The following COMMD10 variants were observed in gnomAD, a reference collection of about 807,000 sequenced individuals.
COMMD10 encodes COMM domain-containing protein 10.
In COMMD10, 33 loss-of-function variants were observed where a neutral mutation model predicts 28.9. That is an observed-to-expected ratio of 1.14 (90% CI 0.87 to 1.53). COMMD10 has a LOEUF of 1.53. Ranked by LOEUF, COMMD10 falls within the 40% of genes most tolerant of loss-of-function variation. The probability of loss-of-function intolerance (pLI) is 0.00; values close to 1 mark genes in which losing one functional copy is unlikely to be tolerated. For missense variants in COMMD10, 310 were observed against 233.4 expected, an observed-to-expected ratio of 1.33 and a Z score of -2.14; for synonymous variants, 110 against 81.7, an observed-to-expected ratio of 1.35 and a Z score of -1.87.
chr5:116,257,906 T>C (rs1462155772), intron 5 of COMMD10, among the ~76,000 whole-genome samples: 1 of 151,728 alleles, frequency 6.6e-6, no homozygotes, highest in Non-Finnish European at 1.5e-5. Context: ...TTAAGCTTTT[T>C]GAATCACAGT....
intron 5 of COMMD10, among the ~76,000 whole-genome samples, chr5:116,151,921 C>G (rs1752541563): frequency 6.6e-6 from 1 of 152,052 alleles, no homozygotes; most frequent in Non-Finnish European, 1.5e-5. Context: ...TTTGCTCTTG[C>G]TTTTCTAGTT....
At chr5:116,291,463 T>C in intron 5 of COMMD10, 54 bp from the exon 6 acceptor site, 1 of 1,227,316 alleles carries the variant, frequency 8.1e-7, no homozygotes, top group South Asian at 1.3e-5. Flanking sequence ...AGAGAAAAAA[T>C]GTGATGTAAA....
At chr5:116,152,189 A>G (rs1752550606) in intron 5 of COMMD10, among the ~76,000 whole-genome samples, 1 of 152,116 alleles carries the variant, frequency 6.6e-6, no homozygotes, top group Admixed American at 6.6e-5. Context: ...CTTAATCCTG[A>G]GTTCTAGTTT....
intron 5 of COMMD10, among the ~76,000 whole-genome samples, chr5:116,191,609 C>T (rs528838123): frequency 1.4e-4 from 21 of 151,962 alleles, no homozygotes; most frequent in African/African-American, 4.6e-4. Flanking sequence ...GGAATCTCAC[C>T]CCAACCCCCA....
chr5:116,156,147 C>T (rs527498984), intron 5 of COMMD10, among the ~76,000 whole-genome samples: 1 of 152,124 alleles, frequency 6.6e-6, no homozygotes, highest in South Asian at 2.1e-4. Context: ...GTTAAGCTGT[C>T]CTACTATCCA....
chr5:116,275,364 A>C (rs578258400), intron 5 of COMMD10, among the ~76,000 whole-genome samples: 6 of 151,782 alleles, frequency 4.0e-5, no homozygotes, highest in Non-Finnish European at 8.8e-5. Context: ...TTTATTCCCA[A>C]TAATTTATCT....
chr5:116,135,929 A>T (rs6876214), intron 5 of COMMD10, among the ~76,000 whole-genome samples: 18,040 of 152,068 alleles, frequency 0.12, 1,606 homozygotes, highest in African/African-American at 0.25. Context: ...TGTAAAATAT[A>T]GGTAATAGTA....
chr5:116,171,568 G>A (rs550833199), intron 5 of COMMD10, among the ~76,000 whole-genome samples: 1 of 152,082 alleles, frequency 6.6e-6, no homozygotes, highest in African/African-American at 2.4e-5. Flanking sequence ...GCAAAGACTT[G>A]GAACCAACCC....
chr5:116,173,104 TA>T (rs1753391020), intron 5 of COMMD10, among the ~76,000 whole-genome samples: 1 of 152,128 alleles, frequency 6.6e-6, no homozygotes, highest in Non-Finnish European at 1.5e-5. Flanking sequence ...GTTTAGGTAG[TA>T]AATACTAAGG....
At chr5:116,288,852 C>G (rs1461251261) in intron 5 of COMMD10, among the ~76,000 whole-genome samples, 1 of 135,704 alleles carries the variant, frequency 7.4e-6, no homozygotes, top group African/African-American at 2.7e-5. Context: ...TGATTGTTTT[C>G]AATTGTTGGT....
In COMMD10 at chr5:116,135,334, G is replaced by A. The variant is rs537016954; in HGVS notation, c.510+1156G>A. Among the ~76,000 whole-genome samples, 12 of 152,252 alleles carry A rather than the reference G, an allele frequency of 7.9e-5. No individual in the cohort carries two copies. In the East Asian group the frequency reaches 9.6e-4, roughly 12 times the overall value. ...TTTCGCTATTCATTCTATTATGCAGGTTTCTGGCTTCTTTAAGAAGTATCT... is the reference window on the plus strand; with the variant it reads ...TTTCGCTATTCATTCTATTATGCAGATTTCTGGCTTCTTTAAGAAGTATCT... On this transcript the variant is annotated intron_variant, in intron 5 of 6. Transcript: ENST00000274458.
intron 5 of COMMD10, among the ~76,000 whole-genome samples, chr5:116,205,093 T>G (rs1184224349): frequency 6.6e-6 from 1 of 152,132 alleles, no homozygotes; most frequent in Non-Finnish European, 1.5e-5. Context: ...AAACATAGAT[T>G]TCCTAGATGG....
At chr5:116,102,001 T>A (rs1187672214) in intron 4 of COMMD10, among the ~76,000 whole-genome samples, 1 of 152,150 alleles carries the variant, frequency 6.6e-6, no homozygotes, top group South Asian at 2.1e-4. Flanking sequence ...TTTCTCCCAT[T>A]TTGCAGGTTT....
intron 5 of COMMD10, among the ~76,000 whole-genome samples, chr5:116,217,788 C>T (rs996322976): frequency 3.3e-5 from 5 of 152,056 alleles, no homozygotes; most frequent in Non-Finnish European, 7.4e-5. Flanking sequence ...AAGAGTAAGT[C>T]TCTCAAAACT....
Position 116,284,041 on chromosome 5 carries a change from TC to T in COMMD10, c.511-7475del, listed in dbSNP as rs139795572. On this transcript the variant is annotated intron_variant, in intron 5 of 6. Transcript: ENST00000274458. ...CTACTCACAGGCTGAGGCAGGAGGT[TC>T]GTTTACACCCAGGAGTTAGTTCGAG... Among the ~76,000 whole-genome samples the T allele has an allele frequency of 8.2e-3, 1,242 of 151,862 alleles. 49 individuals are homozygous for T. The highest frequency in any genetic ancestry group is 0.028 in the African/African-American group (1,154 of 41,200).
chr5:116,166,342 A>C (rs770213492), intron 5 of COMMD10, among the ~76,000 whole-genome samples: 8 of 152,216 alleles, frequency 5.3e-5, no homozygotes, highest in Non-Finnish European at 1.0e-4. Flanking sequence ...GTAGCCAGAC[A>C]TACCCATTTT....
chr5:116,095,337 A>G (rs564177057), intron 4 of COMMD10, among the ~76,000 whole-genome samples: 17 of 152,354 alleles, frequency 1.1e-4, no homozygotes, highest in African/African-American at 4.1e-4. Flanking sequence ...GCTTTGTGTT[A>G]GATGATTTTG....
At chr5:116,195,940 G>A (rs567975384) in intron 5 of COMMD10, among the ~76,000 whole-genome samples, 4 of 152,252 alleles carry the variant, frequency 2.6e-5, no homozygotes, top group African/African-American at 9.6e-5. Context: ...AACAGAAGAT[G>A]TTGGCATGGA....
chr5:116,256,069 C>T (rs12520632), intron 5 of COMMD10, among the ~76,000 whole-genome samples: 11,107 of 151,642 alleles, frequency 0.073, 520 homozygotes, highest in Admixed American at 0.13. Flanking sequence ...AAATTACCTT[C>T]TATAAAAAGT....
Sources: allele counts gnomAD v4.1 joint callset (sites outside exome capture counted in the v4.1 genomes callset), GRCh38; gene constraint gnomAD v4.1.1; transcripts MANE v1.5; gene names NCBI Gene and HGNC (gene_info 2026-07-23, HGNC 2026-07-21).